The following PCDHA9 variants were observed in gnomAD, a reference collection of about 807,000 sequenced individuals.
PCDHA9 encodes protocadherin alpha 9.
Under a neutral mutation model 62.0 loss-of-function variants are expected in PCDHA9, and 62 were observed. The observed-to-expected ratio is 1.00, with a 90% CI of 0.81 to 1.23. The LOEUF is 1.23. Among genes scored for constraint, PCDHA9 ranks in the 50% most tolerant of loss-of-function variants. PCDHA9 has a pLI of 0.00. For synonymous variants in PCDHA9, 557 were observed against 567.6 expected (o/e 0.98, Z 0.27); for missense variants, 1,205 against 1,249.8 (o/e 0.96, Z 0.54).
intron 1 of PCDHA9, among the ~76,000 whole-genome samples, chr5:140,874,557 G>A (rs782715249): frequency 9.9e-5 from 15 of 152,144 alleles, no homozygotes; most frequent in Non-Finnish European, 1.6e-4. Flanking sequence ...GAGATCTTTC[G>A]CATTTTAGTG....
chr5:140,927,821 T>C (rs1554205108), intron 1 of PCDHA9: 1 of 1,614,118 alleles, frequency 6.2e-7, no homozygotes, highest in South Asian at 1.1e-5. Context: ...GAGGCATACA[T>C]TGAGGCGAGG....
chr5:141,001,492 T>A (rs1190860523), intron 3 of PCDHA9, among the ~76,000 whole-genome samples: 1 of 152,236 alleles, frequency 6.6e-6, no homozygotes, highest in African/African-American at 2.4e-5. Context: ...CTGGAAATGC[T>A]AGCCCAGGTG....
chr5:140,948,839 G>A (rs2094310723), intron 1 of PCDHA9, among the ~76,000 whole-genome samples: 1 of 151,152 alleles, frequency 6.6e-6, no homozygotes, highest in African/African-American at 2.4e-5. Flanking sequence ...GCTTTTGTCT[G>A]TATTATTTGC....
intron 1 of PCDHA9, chr5:140,861,415 G>T (rs1400394792): frequency 4.2e-6 from 2 of 475,856 alleles, no homozygotes; most frequent in Non-Finnish European, 8.6e-6. Context: ...CTGATACCGC[G>T]CCTGTTTCAG....
chr5:140,862,813 T>C lies in PCDHA9; in HGVS notation c.2394+11924T>C. 2 of 571,594 alleles carry C rather than the reference T, an allele frequency of 3.5e-6. 1 individual carries two copies. Among genetic ancestry groups the C allele is most frequent in the Non-Finnish European group, 6.7e-6 (2 of 297,160 alleles). The allele number at this position is 571,594 out of a possible 1,614,324, so 35.4% of individuals were successfully genotyped here. On this transcript the variant is annotated intron_variant, in intron 1 of 3. Coordinates refer to ENST00000532602, the MANE Select transcript of PCDHA9 (RefSeq NM_031857.2). ...CGAGGAGCTGGAGCTGCTGCAGTTC[T>C]AGGTGAGAGCGCGCGACGCGGGCAT... is the stretch of plus-strand genomic sequence containing the variant.
intron 1 of PCDHA9, among the ~76,000 whole-genome samples, chr5:140,902,203 C>CTTTTTTT (rs148688132): frequency 6.4e-5 from 8 of 124,436 alleles, no homozygotes; most frequent in African/African-American, 9.3e-5. Flanking sequence ...CTCTCTCTTT[C>CTTTTTTT]TTTTTTTTTT....
intron 3 of PCDHA9, among the ~76,000 whole-genome samples, chr5:140,987,901 T>C (rs1554249667): frequency 6.6e-6 from 1 of 152,180 alleles, no homozygotes. Context: ...TAGTTTTATA[T>C]GGGGATTTAT....
At chr5:140,870,019 A>C (rs371365026) in intron 1 of PCDHA9, 6 of 1,613,574 alleles carry the variant, frequency 3.7e-6, no homozygotes, top group Non-Finnish European at 5.1e-6. Context: ...GGTCAATGGA[A>C]CTTTAGATTA....
chr5:140,927,086 A>G (rs2083826085), intron 1 of PCDHA9: 5 of 1,612,296 alleles, frequency 3.1e-6, no homozygotes, highest in Non-Finnish European at 3.4e-6. Context: ...CGCGAGCTCT[A>G]CTTCGGGGTG....
Position 140,926,391 on chromosome 5 carries a change from A to T in PCDHA9, c.2395-52558A>T, listed in dbSNP as rs76822698. On this transcript the variant is annotated intron_variant, in intron 1 of 3. Coordinates refer to ENST00000532602, the MANE Select transcript of PCDHA9 (RefSeq NM_031857.2). ...AGGAAGAGCCCAGCTGGGCTCAGCCACAGTTATCAGCAATCTGCGGGCAGA... is the reference window on the plus strand; with the variant it reads ...AGGAAGAGCCCAGCTGGGCTCAGCCTCAGTTATCAGCAATCTGCGGGCAGA... 1,228 of 152,462 alleles carry T rather than the reference A, an allele frequency of 8.1e-3. 5 individuals carry two copies. The highest frequency in any genetic ancestry group is 0.019 in the African/African-American group (792 of 41,554). The allele number at this position is 152,462 out of a possible 1,614,324, so 9.4% of individuals were successfully genotyped here.
chr5:140,866,915 A>T (rs1413291718), intron 1 of PCDHA9: 1 of 152,138 alleles, frequency 6.6e-6, no homozygotes, highest in African/African-American at 2.4e-5. Flanking sequence ...CTCAAAGATG[A>T]GTTCAAAGGG....
At chr5:140,872,804 A>G (rs918819226) in intron 1 of PCDHA9, among the ~76,000 whole-genome samples, 1 of 152,170 alleles carries the variant, frequency 6.6e-6, no homozygotes, top group Admixed American at 6.5e-5. Flanking sequence ...ATTCTTCCAT[A>G]AGTTTTTCAG....
chr5:140,936,981 T>C (rs2153630854), intron 1 of PCDHA9, among the ~76,000 whole-genome samples: 1 of 152,330 alleles, frequency 6.6e-6, no homozygotes, highest in South Asian at 2.1e-4. Flanking sequence ...ATGAAGCTTG[T>C]TAACATTGAC....
chr5:141,009,132 G>A (rs2098400947), intron 3 of PCDHA9, among the ~76,000 whole-genome samples: 1 of 152,204 alleles, frequency 6.6e-6, no homozygotes, highest in African/African-American at 2.4e-5. Flanking sequence ...GTATCCTGGT[G>A]AAAAAACCTG....
chr5:140,874,590 T>C (rs1345853316), intron 1 of PCDHA9, among the ~76,000 whole-genome samples: 11 of 152,248 alleles, frequency 7.2e-5, no homozygotes, highest in Non-Finnish European at 1.5e-4. Flanking sequence ...TTTGGGATAG[T>C]GTGAAATTTG....
chr5:140,961,793 A>G (rs1554225592), intron 1 of PCDHA9, among the ~76,000 whole-genome samples: 2 of 152,166 alleles, frequency 1.3e-5, no homozygotes, highest in Admixed American at 1.3e-4. Flanking sequence ...TTTTTAAAAG[A>G]TAGGAAATTG....
chr5:140,869,798 T>A (rs782748267), intron 1 of PCDHA9: 2 of 1,612,730 alleles, frequency 1.2e-6, no homozygotes. Flanking sequence ...TTAGTCCAAG[T>A]CTTGGATGTC....
intron 1 of PCDHA9, chr5:140,857,275 C>T: frequency 6.3e-7 from 1 of 1,598,374 alleles, no homozygotes; most frequent in Non-Finnish European, 8.6e-7. Context: ...TGGTGCTGGA[C>T]AGCGCTCTGG....
At chr5:140,863,216 C>T (rs781920741) in intron 1 of PCDHA9, 10 of 1,084,230 alleles carry the variant, frequency 9.2e-6, no homozygotes, top group African/African-American at 3.2e-5. Flanking sequence ...AGCAGCCAAG[C>T]GAGGAAGGTC....
Sources: allele counts gnomAD v4.1 joint callset (sites outside exome capture counted in the v4.1 genomes callset), GRCh38; gene constraint gnomAD v4.1.1; transcripts MANE v1.5; gene names NCBI Gene and HGNC (gene_info 2026-07-23, HGNC 2026-07-21).